THSD4: variants seen among roughly 807,000 people sequenced by gnomAD.
The protein encoded by THSD4 is thrombospondin type 1 domain containing 4.
In THSD4, 69 loss-of-function variants were observed where a neutral mutation model predicts 119.0. The ratio of observed to expected loss-of-function variants is 0.58; its 90% confidence interval spans 0.48 to 0.71. The LOEUF is 0.71. Among genes scored for constraint, THSD4 ranks in the 30% least tolerant of loss-of-function variants. THSD4 has a pLI of 0.00. For synonymous variants in THSD4, 524 were observed against 540.4 expected (o/e 0.97, Z 0.42); for missense variants, 1,393 against 1,391.1 (o/e 1.00, Z -0.02).
chr15:71,319,244 C>A (rs975164839), intron 6 of THSD4, among the ~76,000 whole-genome samples: 4 of 151,936 alleles, frequency 2.6e-5, no homozygotes, highest in African/African-American at 9.7e-5. Flanking sequence ...ATTCTAAAGT[C>A]TATTATTATT....
intron 3 of THSD4, among the ~76,000 whole-genome samples, chr15:71,174,977 ACC>A (rs2043433505): frequency 6.7e-6 from 1 of 149,800 alleles, no homozygotes; most frequent in Non-Finnish European, 1.5e-5. Context: ...CACACCGAAA[ACC>A]CATCTGTACA....
intron 6 of THSD4, among the ~76,000 whole-genome samples, chr15:71,370,956 G>A (rs938749451): frequency 1.3e-5 from 2 of 152,160 alleles, no homozygotes; most frequent in Non-Finnish European, 2.9e-5. Context: ...TATGAATCTG[G>A]TTGCTCCTGT....
At chr15:71,302,494 C>T (rs1216541076) in intron 6 of THSD4, among the ~76,000 whole-genome samples, 1 of 151,720 alleles carries the variant, frequency 6.6e-6, no homozygotes, top group Non-Finnish European at 1.5e-5. Context: ...TGCCTTGATG[C>T]ATGAGATGTG....
chr15:71,741,859 T>C (rs1567130534), intron 11 of THSD4, among the ~76,000 whole-genome samples: 1 of 152,316 alleles, frequency 6.6e-6, no homozygotes, highest in Admixed American at 6.5e-5. Flanking sequence ...AGGGATGTGT[T>C]GTTTCTCATC....
At chr15:71,692,662 G>T (rs767294084) in intron 8 of THSD4, among the ~76,000 whole-genome samples, 6 of 152,126 alleles carry the variant, frequency 3.9e-5, no homozygotes, top group Non-Finnish European at 5.9e-5. Context: ...CTCTGAGTTG[G>T]AGTGTCGCTC....
intron 6 of THSD4, among the ~76,000 whole-genome samples, chr15:71,340,408 C>G (rs943354449): frequency 7.2e-5 from 11 of 152,246 alleles, no homozygotes; most frequent in African/African-American, 2.2e-4. Context: ...AAATGCCATC[C>G]ACCCTGTAGC....
intron 6 of THSD4, among the ~76,000 whole-genome samples, chr15:71,266,828 T>C (rs1222973876): frequency 1.3e-5 from 2 of 151,632 alleles, no homozygotes; most frequent in African/African-American, 4.8e-5. Context: ...CAAGTATCAA[T>C]AGCTGAATTG....
intron 8 of THSD4, among the ~76,000 whole-genome samples, chr15:71,685,286 A>C (rs1363267634): frequency 6.6e-6 from 1 of 151,934 alleles, no homozygotes; most frequent in Non-Finnish European, 1.5e-5. Context: ...AGTGGTTCTT[A>C]AATGTTTTCA....
At chr15:71,629,491 C>T (rs1388739014) in intron 7 of THSD4, among the ~76,000 whole-genome samples, 1 of 152,164 alleles carries the variant, frequency 6.6e-6, no homozygotes, top group African/African-American at 2.4e-5. Context: ...GTCTTTCAGG[C>T]CACACTCAGA....
At chr15:71,578,397 C>T (rs1288543705) in intron 7 of THSD4, among the ~76,000 whole-genome samples, 1 of 151,942 alleles carries the variant, frequency 6.6e-6, no homozygotes, top group Non-Finnish European at 1.5e-5. Flanking sequence ...TGATAAGTGT[C>T]ATGTCATTTG....
At chr15:71,116,163 C>T (rs1193104521) in intron 1 of THSD4, among the ~76,000 whole-genome samples, 2 of 152,168 alleles carry the variant, frequency 1.3e-5, no homozygotes, top group African/African-American at 2.4e-5. Context: ...GTCAGCGCTC[C>T]TTGAGTCCTG....
Position 71,780,442 on chromosome 15 carries a change from C to G in THSD4, c.*3068C>G, listed in dbSNP as rs1322487908. The G allele has an allele frequency of 8.7e-6, 2 of 231,152 alleles. No individual in the cohort carries two copies. Among genetic ancestry groups the G allele is most frequent in the Non-Finnish European group, 1.8e-5 (2 of 109,556 alleles). The allele number at this position is 231,152 out of a possible 1,614,324, so 14.3% of individuals were successfully genotyped here. ...CAGCCTAGGCAAAGGACATTTAGTACTATCGATTCTTTCCACCCTCACGAT... is the reference window on the plus strand; with the variant it reads ...CAGCCTAGGCAAAGGACATTTAGTAGTATCGATTCTTTCCACCCTCACGAT... On this transcript the variant is annotated 3_prime_UTR_variant, in exon 18 of 18. Transcript: ENST00000261862.
chr15:71,416,908 G>A lies in THSD4; in HGVS notation c.1152+5085G>A, dbSNP rs1159728050. On this transcript the variant is annotated intron_variant, in intron 7 of 17. Coordinates refer to ENST00000261862, the MANE Select transcript of THSD4 (RefSeq NM_024817.3). ...CAAGTAGCTGGGACTACAGGCGCCC[G>A]CCACCACACCCAGCTAATTTTTTTG... 5.8e-5 allele frequency among the ~76,000 whole-genome samples: 6 copies of A among 103,736 alleles called. 2 individuals are homozygous for A. Among genetic ancestry groups the A allele is most frequent in the East Asian group, 3.3e-4 (1 of 3,058 alleles). The allele number at this position is 103,736 out of a possible 152,430, so 68.1% of individuals were successfully genotyped here.
chr15:71,567,517 T>G (rs1378648589), intron 7 of THSD4, among the ~76,000 whole-genome samples: 3 of 152,066 alleles, frequency 2.0e-5, no homozygotes, highest in South Asian at 4.1e-4. Context: ...CCAGCTCCTT[T>G]TTCATTGTTA....
intron 8 of THSD4, among the ~76,000 whole-genome samples, chr15:71,721,734 A>G (rs1373816073): frequency 6.6e-6 from 1 of 151,872 alleles, no homozygotes; most frequent in Non-Finnish European, 1.5e-5. Flanking sequence ...GGGCTTGCAT[A>G]TATAAGCTCT....
intron 8 of THSD4, among the ~76,000 whole-genome samples, chr15:71,726,655 C>T (rs901660896): frequency 4.6e-5 from 7 of 152,058 alleles, no homozygotes; most frequent in Non-Finnish European, 8.8e-5. Context: ...ACAGGACCTT[C>T]GGCTGGGCGC....
chr15:71,459,233 A>G (rs2047384737), intron 7 of THSD4, among the ~76,000 whole-genome samples: 1 of 138,572 alleles, frequency 7.2e-6, no homozygotes, highest in South Asian at 2.2e-4. Flanking sequence ...ATCTTGGCTC[A>G]CTGCAACCTC....
chr15:71,765,026 A>T lies in THSD4; in HGVS notation c.2596A>T (p.Ile866Phe). 3 of 1,613,736 alleles carry T rather than the reference A, an allele frequency of 1.9e-6. No homozygotes were observed. The highest frequency in any genetic ancestry group is 1.6e-4 in the Middle Eastern group (1 of 6,062). ...TTTCTGCTTCTTTCTGCAGTGTTCC[A>T]TCGAGTGTGGGAGCGGGACGCAACA... ...WFAGSWSQCSIECGSGTQQRE... is the reference protein window; with the variant it reads ...WFAGSWSQCSFECGSGTQQRE... The change falls in exon 16 of 18, where the codon ATC (isoleucine) becomes TTC (phenylalanine). Residue 866 changes from isoleucine (I) to phenylalanine (F), a missense_variant. Physicochemically the swap from Ile to Phe is conservative, Grantham distance 21 (BLOSUM62 0). Transcript: ENST00000261862.
chr15:71,700,742 T>A (rs2052269771), intron 8 of THSD4, among the ~76,000 whole-genome samples: 1 of 152,100 alleles, frequency 6.6e-6, no homozygotes, highest in Non-Finnish European at 1.5e-5. Context: ...TGAAATAATC[T>A]AGAAATAGAC....
Sources: gnomAD v4.1 joint callset for allele counts (sites outside exome capture counted in the v4.1 genomes callset) on GRCh38, gnomAD v4.1.1 for gene constraint, MANE v1.5 for transcripts, NCBI Gene and HGNC (gene_info 2026-07-23, HGNC 2026-07-21) for gene names.